Variants in PACRG observed in about 807,000 individuals in gnomAD.
The protein encoded by PACRG is parkin coregulated, also known as parkin coregulated gene protein.
In PACRG, 29 loss-of-function variants were observed where a neutral mutation model predicts 29.7. The ratio of observed to expected loss-of-function variants is 0.98; its 90% CI spans 0.73 to 1.33. The LOEUF (loss-of-function observed/expected upper bound fraction) is 1.33. PACRG is among the 40% of genes most tolerant of loss of function. The probability of loss-of-function intolerance (pLI) is 0.00; values close to 1 mark genes in which losing one functional copy is unlikely to be tolerated. For synonymous variants in PACRG, 116 were observed against 118.7 expected, an observed-to-expected ratio of 0.98 and a Z score of 0.15; for missense variants, 279 against 316.2, an observed-to-expected ratio of 0.88 and a Z score of 0.89.
intron 4 of PACRG, among the ~76,000 whole-genome samples, chr6:163,257,043 C>A (rs1783139391): frequency 6.6e-6 from 1 of 152,070 alleles, no homozygotes; most frequent in South Asian, 2.1e-4. Flanking sequence ...TGTGTCTCGG[C>A]GTCTCTGCCT....
At chr6:163,221,017 T>C (rs572688346) in intron 4 of PACRG, among the ~76,000 whole-genome samples, 62 of 152,280 alleles carry the variant, frequency 4.1e-4, no homozygotes, top group African/African-American at 1.5e-3. Flanking sequence ...ATAAATCATA[T>C]AGTTCAGGAG....
chr6:163,249,378 A>C (rs899749945), intron 4 of PACRG, among the ~76,000 whole-genome samples: 2 of 152,244 alleles, frequency 1.3e-5, no homozygotes, highest in African/African-American at 4.8e-5. Flanking sequence ...CCAGCCTTTC[A>C]ATATGATTAA....
chr6:162,809,543 A>G (rs1326122124), intron 1 of PACRG, among the ~76,000 whole-genome samples: 1 of 152,214 alleles, frequency 6.6e-6, no homozygotes, highest in Non-Finnish European at 1.5e-5. Context: ...TAGCCTTCTA[A>G]GCTTTGTTAG....
intron 2 of PACRG, chr6:163,046,705 ATAAGTTATATTTCTC>A (rs1330120054): frequency 1.3e-5 from 2 of 152,138 alleles, no homozygotes; most frequent in African/African-American, 4.8e-5. Flanking sequence ...ATCCAAGGAA[ATAAGTTATATTTCTC>A]TAACACACTT....
intron 2 of PACRG, among the ~76,000 whole-genome samples, chr6:162,885,165 A>G (rs1794222610): frequency 6.6e-6 from 1 of 151,720 alleles, no homozygotes; most frequent in South Asian, 2.1e-4. Flanking sequence ...AAAACACTGC[A>G]GGGATTATAA....
chr6:163,199,978 T>C (rs1157162963), intron 4 of PACRG, among the ~76,000 whole-genome samples: 2 of 152,214 alleles, frequency 1.3e-5, no homozygotes, highest in Non-Finnish European at 2.9e-5. Flanking sequence ...TTAAACATCA[T>C]TAAATGGCAC....
chr6:163,184,008 G>GA (rs996907808), intron 4 of PACRG, among the ~76,000 whole-genome samples: 1 of 152,226 alleles, frequency 6.6e-6, no homozygotes, highest in Non-Finnish European at 1.5e-5. Context: ...GGAGCACATC[G>GA]AAAGGAATGA....
chr6:163,139,968 TC>T (rs1817087624), intron 4 of PACRG, among the ~76,000 whole-genome samples: 1 of 152,200 alleles, frequency 6.6e-6, no homozygotes, highest in East Asian at 1.9e-4. Context: ...TCTTTGCCTA[TC>T]CAAGTACTGT....
intron 2 of PACRG, among the ~76,000 whole-genome samples, chr6:163,056,661 G>T (rs1810616222): frequency 1.3e-5 from 2 of 152,266 alleles, no homozygotes; most frequent in Admixed American, 1.3e-4. Context: ...TCATGAATTT[G>T]CCCTCACGGT....
chr6:162,943,961 C>T lies in PACRG; in HGVS notation c.292-118189C>T, dbSNP rs1052199666. ...TGCCATCCAGGTGCCTGAGGACCCA[C>T]CCACCTGCCCAGCCCACAGCTGGCA... On this transcript the variant is annotated intron_variant, in intron 2 of 4. Transcript: ENST00000366888. Among the ~76,000 whole-genome samples the T allele has an allele frequency of 7.9e-5, 12 of 152,232 alleles. 1 individual carries two copies. The highest frequency in any genetic ancestry group is 2.9e-4 in the African/African-American group (12 of 41,532).
At chr6:162,772,755 C>T (rs1277697312) in intron 1 of PACRG, among the ~76,000 whole-genome samples, 2 of 151,944 alleles carry the variant, frequency 1.3e-5, no homozygotes, top group Non-Finnish European at 2.9e-5. Flanking sequence ...ACAAAAGTTA[C>T]TAAGGAAAGG....
At position 162,794,689 on chromosome 6, in the gene PACRG, C is replaced by G. The variant is rs562398706; in HGVS notation, c.157-19458C>G. Among the ~76,000 whole-genome samples the G allele has an allele frequency of 4.6e-5, 7 of 152,272 alleles. No individual in the cohort carries two copies. In the South Asian group the frequency reaches 1.4e-3, roughly 32 times the overall value. On this transcript the variant is annotated intron_variant, in intron 1 of 4. Transcript: ENST00000366888. ...GTTGTCCCGCACCATATATCGAAAA[C>G]TACCTTCCCCATTCATCAGCAATGT...
chr6:163,203,182 G>A (rs1208161059), intron 4 of PACRG, among the ~76,000 whole-genome samples: 1 of 152,128 alleles, frequency 6.6e-6, no homozygotes, highest in Non-Finnish European at 1.5e-5. Flanking sequence ...AGAGGTTGAG[G>A]CAGGCAGATC....
At chr6:162,912,244 C>T (rs1169812631) in intron 2 of PACRG, among the ~76,000 whole-genome samples, 2 of 152,214 alleles carry the variant, frequency 1.3e-5, no homozygotes, top group Non-Finnish European at 2.9e-5. Flanking sequence ...TTGTGATCAA[C>T]TTCCAGGTTG....
At chr6:163,216,003 G>C (rs1019011226) in intron 4 of PACRG, among the ~76,000 whole-genome samples, 7 of 152,190 alleles carry the variant, frequency 4.6e-5, no homozygotes, top group Non-Finnish European at 7.3e-5. Flanking sequence ...GTAAGTGTAG[G>C]ATGTGCTCAT....
At chr6:162,984,019 T>C (rs962613901) in intron 2 of PACRG, among the ~76,000 whole-genome samples, 1 of 151,350 alleles carries the variant, frequency 6.6e-6, no homozygotes, top group African/African-American at 2.5e-5. Context: ...TCTTTTTTCT[T>C]TAAAAATTTT....
chr6:163,280,120 A>C (rs1784180020), intron 4 of PACRG, among the ~76,000 whole-genome samples: 1 of 152,184 alleles, frequency 6.6e-6, no homozygotes, highest in African/African-American at 2.4e-5. Flanking sequence ...TCCACTCTGC[A>C]TGGCCTCTGC....
intron 4 of PACRG, among the ~76,000 whole-genome samples, chr6:163,251,961 T>C (rs1782921470): frequency 6.6e-6 from 1 of 152,202 alleles, no homozygotes. Context: ...CATGGTTCGA[T>C]GTAATGGATG....
chr6:162,874,151 A>AATAT (rs1554296145), intron 2 of PACRG, among the ~76,000 whole-genome samples: 2,358 of 136,250 alleles, frequency 0.017, 34 homozygotes, highest in South Asian at 0.047. Flanking sequence ...AAAAAAAAAA[A>AATAT]ATATATATAT....
Sources: allele counts gnomAD v4.1 joint callset (sites outside exome capture counted in the v4.1 genomes callset), GRCh38; gene constraint gnomAD v4.1.1; transcripts MANE v1.5; gene names NCBI Gene and HGNC (gene_info 2026-07-23, HGNC 2026-07-21).